PDXDC1: variants seen among roughly 807,000 people sequenced by gnomAD.
PDXDC1 encodes the protein pyridoxal-dependent decarboxylase domain-containing protein 1.
Under a neutral mutation model 100.1 loss-of-function variants are expected in PDXDC1, and 42 were observed. The ratio of observed to expected loss-of-function variants is 0.42; its 90% CI spans 0.33 to 0.54. The LOEUF is 0.54. Ranked by LOEUF, PDXDC1 falls within the 20% of genes least tolerant of loss-of-function variation. PDXDC1 has a pLI of 0.10. For synonymous variants in PDXDC1, 260 were observed against 371.7 expected (o/e 0.70, Z 3.46); for missense variants, 636 against 979.2 (o/e 0.65, Z 4.68).
chr16:15,132,888 C>A (rs2665261), intron 16 of PDXDC1: 87 of 1,591,366 alleles, frequency 5.5e-5, no homozygotes, highest in Non-Finnish European at 7.1e-5. Context: ...GGCAGGCAGG[C>A]GGCACAGCAA....
At chr16:14,992,362 A>G (rs1319495509) in intron 1 of PDXDC1, among the ~76,000 whole-genome samples, 5 of 152,290 alleles carry the variant, frequency 3.3e-5, no homozygotes, top group Non-Finnish European at 7.3e-5. Flanking sequence ...TTCAGACACT[A>G]TGGTCGTTGG....
chr16:15,041,885 T>C (rs898810091), downstream of PDXDC1, among the ~76,000 whole-genome samples: 25 of 152,178 alleles, frequency 1.6e-4, no homozygotes, highest in Non-Finnish European at 3.7e-4. Flanking sequence ...GATGGCCACA[T>C]TCTCAGCCTC....
At chr16:15,111,372 C>T (rs1456048739) in intron 16 of PDXDC1, among the ~76,000 whole-genome samples, 2 of 145,454 alleles carry the variant, frequency 1.4e-5, no homozygotes, top group African/African-American at 5.0e-5. Flanking sequence ...AGGAGAATCA[C>T]TTGAACCCAG....
chr16:14,993,383 A>G (rs910094349), intron 1 of PDXDC1, among the ~76,000 whole-genome samples: 2 of 149,598 alleles, frequency 1.3e-5, no homozygotes, highest in Admixed American at 6.9e-5. Flanking sequence ...ATGAGTGAGA[A>G]CACGCGGTGT....
chr16:14,985,601 T>C (rs1969189417), intron 1 of PDXDC1, among the ~76,000 whole-genome samples: 1 of 152,282 alleles, frequency 6.6e-6, no homozygotes, highest in African/African-American at 2.4e-5. Flanking sequence ...ATTTATAATT[T>C]TCCGTTAGCT....
At chr16:15,083,732 T>G (rs1367357810) in intron 16 of PDXDC1, 1 of 1,131,250 alleles carries the variant, frequency 8.8e-7, no homozygotes, top group African/African-American at 1.6e-5. Flanking sequence ...TTTTTGTTTT[T>G]TGAGACGGAG....
chr16:15,045,902 C>G (rs1020508955), intron 16 of PDXDC1: 1 of 152,218 alleles, frequency 6.6e-6, no homozygotes, highest in Non-Finnish European at 1.5e-5. Context: ...ACATAGGGCA[C>G]AGCCTCAAGG....
At chr16:15,068,118 TAAATAA>T in intron 16 of PDXDC1, 1 of 1,488,578 alleles carries the variant, frequency 6.7e-7, no homozygotes, top group Non-Finnish European at 9.1e-7. Context: ...TAGATAAACA[TAAATAA>T]AAATATTTTA....
At chr16:15,028,697 T>C (rs2151613446) in intron 14 of PDXDC1, among the ~76,000 whole-genome samples, 181 bp from the exon 15 acceptor site, 1 of 152,422 alleles carries the variant, frequency 6.6e-6, no homozygotes, top group South Asian at 2.1e-4. Flanking sequence ...TATTCAAGTG[T>C]TACATAGATC....
intron 16 of PDXDC1, among the ~76,000 whole-genome samples, chr16:15,075,234 A>G (rs1226767900): frequency 6.6e-6 from 1 of 150,388 alleles, no homozygotes; most frequent in Non-Finnish European, 1.5e-5. Context: ...CAACAGAGGA[A>G]GACTCTGTGC....
chr16:15,030,407 A>ACCCTGTCCACAGCCCCCACACAGAC (rs1379761921), intron 16 of PDXDC1, among the ~76,000 whole-genome samples: 895 of 146,936 alleles, frequency 6.1e-3, no homozygotes, highest in Non-Finnish European at 6.9e-3. Flanking sequence ...TTAGCCAGGC[A>ACCCTGTCCACAGCCCCCACACAGAC]TGGTGGTACA....
At chr16:15,124,555 A>G (rs1373571378) in intron 16 of PDXDC1, among the ~76,000 whole-genome samples, 37 of 150,680 alleles carry the variant, frequency 2.5e-4, no homozygotes, top group Admixed American at 1.8e-3. Context: ...TGGGCGGATC[A>G]CAAGGTCAGG....
downstream of PDXDC1, chr16:15,038,551 T>A (rs1332170319): frequency 1.5e-6 from 2 of 1,302,892 alleles, no homozygotes; most frequent in Non-Finnish European, 2.2e-6. Context: ...GATTTAAGAC[T>A]TACCCAGCCT....
At chr16:15,094,352 G>A (rs1383729419) in intron 16 of PDXDC1, 22 of 917,862 alleles carry the variant, frequency 2.4e-5, no homozygotes, top group Non-Finnish European at 3.2e-5. Flanking sequence ...GCGGCCCCGC[G>A]TGGGGAGGGC....
chr16:15,041,622 C>G (rs780097202), downstream of PDXDC1: 1 of 1,608,274 alleles, frequency 6.2e-7, no homozygotes. Flanking sequence ...GCAGGACTTA[C>G]CTGTCACACA....
At chr16:15,126,122 C>A (rs1169392974) in intron 16 of PDXDC1, among the ~76,000 whole-genome samples, 1 of 151,940 alleles carries the variant, frequency 6.6e-6, no homozygotes, top group Admixed American at 6.6e-5. Context: ...GCAACCTCCA[C>A]CTCCCGCGTT....
intron 1 of PDXDC1, among the ~76,000 whole-genome samples, chr16:14,976,408 G>A (rs1456814281): frequency 6.6e-6 from 1 of 152,272 alleles, no homozygotes; most frequent in African/African-American, 2.4e-5. Flanking sequence ...GGTTGGGCCA[G>A]ATGTCTTCAT....
At chr16:15,078,864 C>G (rs533319366) in intron 16 of PDXDC1, among the ~76,000 whole-genome samples, 1 of 146,952 alleles carries the variant, frequency 6.8e-6, no homozygotes, top group African/African-American at 2.5e-5. Flanking sequence ...CAGGCTGGAG[C>G]GGAGTGGCGC....
chr16:15,041,755 A>C, downstream of PDXDC1: 2 of 1,038,390 alleles, frequency 1.9e-6, no homozygotes, highest in Non-Finnish European at 3.0e-6. Flanking sequence ...AGCCAACGAC[A>C]GGGAGGGACG....
Sources: gnomAD v4.1 joint callset for allele counts (sites outside exome capture counted in the v4.1 genomes callset) on GRCh38, gnomAD v4.1.1 for gene constraint, MANE v1.5 for transcripts, NCBI Gene and HGNC (gene_info 2026-07-23, HGNC 2026-07-21) for gene names.